The following MAPDA variants were observed in gnomAD, a reference collection of about 807,000 sequenced individuals.
The protein encoded by MAPDA is N6,N6-dimethyl-AMP deaminase.
the MAPDA span, among the ~76,000 whole-genome samples, chr15:43,337,006 C>T: frequency 5.3e-5 from 8 of 151,966 alleles, no homozygotes; most frequent in South Asian, 1.0e-3. Context: ...TGGTGGCTCA[C>T]GCCTGTAATC....
chr15:43,338,656 T>C, the MAPDA span, among the ~76,000 whole-genome samples: 2 of 152,310 alleles, frequency 1.3e-5, no homozygotes, highest in Non-Finnish European at 2.9e-5. Context: ...TGAATAGATA[T>C]TCTCAGTCCA....
the MAPDA span, chr15:43,349,039 C>CATCGGATACATCGGATA: frequency 5.6e-6 from 9 of 1,614,046 alleles, no homozygotes; most frequent in South Asian, 9.9e-5. Context: ...ACATCGGATA[C>CATCGGATACATCGGATA]CACTGGGTAA....
chr15:43,348,884 C>G, the MAPDA span: 1 of 1,608,872 alleles, frequency 6.2e-7, no homozygotes, highest in South Asian at 1.1e-5. Flanking sequence ...GGCCATTGAT[C>G]CCCTTTCCTC....
At chr15:43,335,074 A>G in the MAPDA span, 5 of 1,604,330 alleles carry the variant, frequency 3.1e-6, no homozygotes, top group Non-Finnish European at 4.3e-6. Context: ...TACTAAGAAT[A>G]AGAGTGGAGA....
the MAPDA span, among the ~76,000 whole-genome samples, chr15:43,338,706 C>T: frequency 8.5e-5 from 13 of 152,334 alleles, no homozygotes; most frequent in African/African-American, 3.1e-4. Flanking sequence ...GTTCTCAGTA[C>T]CTACCGCACT....
chr15:43,330,778 G>A, the MAPDA span: 2 of 341,616 alleles, frequency 5.9e-6, no homozygotes, highest in East Asian at 4.7e-5. Context: ...TGTTAGGGAA[G>A]GCGGGTTGTC....
At chr15:43,350,078 T>C in the MAPDA span, among the ~76,000 whole-genome samples, 7 of 152,086 alleles carry the variant, frequency 4.6e-5, no homozygotes, top group African/African-American at 1.7e-4. Flanking sequence ...ACTCTTTTTT[T>C]TGGGGGGCGG....
chr15:43,353,676 C>A, the MAPDA span: 1 of 152,134 alleles, frequency 6.6e-6, no homozygotes, highest in Non-Finnish European at 1.5e-5. Context: ...TCACCAGTGA[C>A]CAGTGGTAAT....
the MAPDA span, among the ~76,000 whole-genome samples, chr15:43,331,601 T>C: frequency 6.6e-6 from 1 of 152,252 alleles, no homozygotes; most frequent in South Asian, 2.1e-4. Context: ...TATTTTCCAA[T>C]GTTTTCTTGT....
chr15:43,343,410 A>G, the MAPDA span, among the ~76,000 whole-genome samples: 4 of 152,098 alleles, frequency 2.6e-5, no homozygotes, highest in African/African-American at 9.7e-5. Flanking sequence ...CCTCCCTTAC[A>G]CGTGGGCCTG....
the MAPDA span, among the ~76,000 whole-genome samples, chr15:43,345,199 A>G: frequency 6.6e-6 from 1 of 151,884 alleles, no homozygotes; most frequent in East Asian, 1.9e-4. Context: ...CTAAAAATAC[A>G]AAAAATTAGC....
chr15:43,350,907 T>G, the MAPDA span: 1 of 1,514,614 alleles, frequency 6.6e-7, no homozygotes, highest in African/African-American at 1.4e-5. Flanking sequence ...CTTATTTGCT[T>G]TTAATAAGAG....
the MAPDA span, chr15:43,349,017 C>CT: frequency 6.2e-7 from 1 of 1,614,170 alleles, no homozygotes; most frequent in Non-Finnish European, 8.5e-7. Flanking sequence ...ATCTGGTGGA[C>CT]TTTGTGAGGC....
chr15:43,335,780 G>C, the MAPDA span: 1 of 1,613,948 alleles, frequency 6.2e-7, no homozygotes, highest in African/African-American at 1.3e-5. Flanking sequence ...TAAAATCCAC[G>C]ATCAGATGAC....
the MAPDA span, among the ~76,000 whole-genome samples, chr15:43,334,351 G>C: frequency 6.6e-6 from 1 of 151,594 alleles, no homozygotes; most frequent in African/African-American, 2.4e-5. Flanking sequence ...TTTTTGGCCG[G>C]GCATGGTGGC....
At chr15:43,354,461 G>A in the MAPDA span, 1 of 152,166 alleles carries the variant, frequency 6.6e-6, no homozygotes, top group Non-Finnish European at 1.5e-5. Flanking sequence ...TTTAATGACT[G>A]AAAGTGTTCA....
the MAPDA span, chr15:43,340,120 G>A: frequency 7.3e-6 from 5 of 683,940 alleles, no homozygotes; most frequent in African/African-American, 3.6e-5. Flanking sequence ...ATGTGACAAA[G>A]TGGATAATCT....
the MAPDA span, among the ~76,000 whole-genome samples, chr15:43,334,498 T>C: frequency 6.6e-6 from 1 of 150,782 alleles, no homozygotes; most frequent in South Asian, 2.1e-4. Context: ...TGTGGTGGCA[T>C]GTACCTGTAA....
At chr15:43,335,223 A>G in the MAPDA span, 2 of 1,578,692 alleles carry the variant, frequency 1.3e-6, no homozygotes, top group Non-Finnish European at 8.7e-7. Flanking sequence ...AATGACTTTG[A>G]TGTTGCTTCT....
Sources: gnomAD v4.1 joint callset for allele counts (sites outside exome capture counted in the v4.1 genomes callset) on GRCh38, gnomAD v4.1.1 for gene constraint, MANE v1.5 for transcripts, NCBI Gene and HGNC (gene_info 2026-07-23, HGNC 2026-07-21) for gene names.